SHC2: variants seen among roughly 807,000 people sequenced by gnomAD.
The protein encoded by SHC2 is SHC-transforming protein 2.
Under a neutral mutation model 60.6 loss-of-function variants are expected in SHC2, and 62 were observed. The observed-to-expected ratio is 1.02, with a 90% CI of 0.83 to 1.26. The LOEUF (loss-of-function observed/expected upper bound fraction) is 1.26. SHC2 is among the 50% of genes most tolerant of loss of function. The pLI is 0.00. For missense variants in SHC2, 873 were observed against 822.2 expected (o/e 1.06, Z -0.76); for synonymous variants, 375 against 372.4 (o/e 1.01, Z -0.08).
At chr19:459,018 T>G (rs540323833) in intron 1 of SHC2, among the ~76,000 whole-genome samples, 1 of 152,126 alleles carries the variant, frequency 6.6e-6, no homozygotes. Context: ...AACGGCCCGC[T>G]CCTCTGTGCA....
intron 1 of SHC2, among the ~76,000 whole-genome samples, chr19:450,837 C>A (rs565243201): frequency 3.4e-4 from 51 of 150,858 alleles, no homozygotes; most frequent in Middle Eastern, 3.4e-3. Flanking sequence ...GTGTGGATGG[C>A]CACGCCATGG....
intron 12 of SHC2, among the ~76,000 whole-genome samples, chr19:418,129 G>GC (rs1424519761): frequency 2.0e-5 from 3 of 152,106 alleles, no homozygotes; most frequent in Non-Finnish European, 4.4e-5. Flanking sequence ...GTCCCCCCGG[G>GC]CCCCGCACCA....
Position 441,296 on chromosome 19 carries a change from A to G in SHC2, c.469-364T>C, listed in dbSNP as rs1568291782. ...ATGGTGCGATCCTGAGCACTTCCCT[A>G]TCTCCAGCGCCCAGTTCAGGGTCTG... On this transcript the variant is annotated intron_variant, in intron 1 of 12. Coordinates refer to ENST00000264554, the MANE Select transcript of SHC2 (RefSeq NM_012435.3). The surrounding 1 kb of genome is among the most constrained non-coding windows in gnomAD (Gnocchi z 4.9). The G allele has an allele frequency of 2.8e-6, 1 of 353,510 alleles. No homozygotes were observed. 21.9% of individuals were successfully genotyped at this position (353,510 alleles called of 1,614,324 possible). A position where few individuals can be genotyped will look rare whatever the true frequency, so the allele number is the denominator to read the frequency against.
intron 8 of SHC2, 117 bp from the exon 9 acceptor site, chr19:430,864 A>G (rs1974569763): frequency 1.1e-6 from 1 of 911,434 alleles, no homozygotes; most frequent in Admixed American, 2.2e-5. Context: ...GGTGGGGAGC[A>G]CAGCCCTGGC....
rs372111737 is a variant in SHC2, at chr19:438,597, G to C, written c.720+121C>G. On this transcript the variant is annotated intron_variant, in intron 4 of 12. Transcript: ENST00000264554. The surrounding 1 kb of genome is among the most constrained non-coding windows in gnomAD (Gnocchi z 5.0). The stretch of plus-strand genomic sequence containing the variant: ...CCAGCTCCTGCTCAGCGGGGCCTCG[G>C]CTCGTCTTTCTGGATAAACGCCACC... The C allele has an allele frequency of 7.9e-5, 94 of 1,193,178 alleles. 1 individual carries two copies. The East Asian group carries it at 1.5e-3, about 19-fold the overall frequency. The allele number at this position is 1,193,178 out of a possible 1,614,324, so 73.9% of individuals were successfully genotyped here.
intron 9 of SHC2, among the ~76,000 whole-genome samples, chr19:429,824 A>G (rs572671077): frequency 1.5e-4 from 22 of 149,306 alleles, no homozygotes; most frequent in African/African-American, 5.2e-4. Context: ...CGTGTGGATG[A>G]CACAGTACCT....
At position 453,566 on chromosome 19, in the gene SHC2, C is replaced by T. The variant is rs1022877590; in HGVS notation, c.468+6963G>A. 3.9e-5 allele frequency among the ~76,000 whole-genome samples: 6 copies of T among 152,162 alleles called. No homozygotes were observed. The highest frequency in any genetic ancestry group is 5.9e-5 in the Non-Finnish European group (4 of 68,034). On this transcript the variant is annotated intron_variant, in intron 1 of 12. Coordinates refer to ENST00000264554, the MANE Select transcript of SHC2 (RefSeq NM_012435.3). The surrounding 1 kb of genome is among the most constrained non-coding windows in gnomAD (Gnocchi z 6.3). ...GATTACAGGCGTGAGCCACCACGCC[C>T]GGCCAGAACCCAGATCTTTAGGGAT...
chr19:439,000 CACG>C lies in SHC2; in HGVS notation c.567_569del (p.Val190del). On this transcript the variant is annotated inframe_deletion, in exon 3 of 13. Coordinates refer to ENST00000264554, the MANE Select transcript of SHC2 (RefSeq NM_012435.3). This position sits in a 1 kb window ranked among gnomAD's most constrained non-coding sequence, Gnocchi z 5.0. ...TCTTCCAGGATCCCCGGACGCCAGG[CACG>C]GCCTCATGGAGCCGGTTGATGGCTT... 1 of 1,600,476 alleles carries C rather than the reference CACG, an allele frequency of 6.2e-7. No individual in the cohort carries two copies. The highest frequency in any genetic ancestry group is 8.5e-7 in the Non-Finnish European group (1 of 1,174,262).
chr19:423,894 G>A (rs939495785), intron 10 of SHC2, among the ~76,000 whole-genome samples: 2 of 152,192 alleles, frequency 1.3e-5, no homozygotes, highest in African/African-American at 2.4e-5. Flanking sequence ...TGCCTCAGAG[G>A]GAAGCTCAGA....
At chr19:459,548 C>G (rs1264644406) in intron 1 of SHC2, among the ~76,000 whole-genome samples, 1 of 144,378 alleles carries the variant, frequency 6.9e-6, no homozygotes, top group Non-Finnish European at 1.5e-5. Context: ...GGGAAGGACC[C>G]TACTGAACTC....
At position 430,140 on chromosome 19, in the gene SHC2, C is replaced by T. The variant is rs1377789259; in HGVS notation, c.1174+544G>A. On this transcript the variant is annotated intron_variant, in intron 9 of 12. Transcript: ENST00000264554. ...GGATGACGCAGTACCTATATCCCAA[C>T]ATGCACGGAAACCTGATACCGTGTG... Among the ~76,000 whole-genome samples, 7 of 143,780 alleles carry T rather than the reference C, an allele frequency of 4.9e-5. No individual in the cohort carries two copies. The East Asian group carries it at 1.7e-3, about 35-fold the overall frequency. The allele number at this position is 143,780 out of a possible 152,430, so 94.3% of individuals were successfully genotyped here.
In SHC2 at chr19:431,332, G is replaced by A. The variant is rs865823138; in HGVS notation, c.1111-585C>T. Among the ~76,000 whole-genome samples the A allele has an allele frequency of 1.9e-3, 269 of 138,532 alleles. 1 individual carries two copies. The highest frequency in any genetic ancestry group is 6.2e-3 in the African/African-American group (224 of 36,124). The allele number at this position is 138,532 out of a possible 152,430, so 90.9% of individuals were successfully genotyped here. ...AGAGGAGGCCGGGCAGATAGATGGC[G>A]CTTCATCGTGAGTGAGATCGTGAGT... On this transcript the variant is annotated intron_variant, in intron 8 of 12. Coordinates refer to ENST00000264554, the MANE Select transcript of SHC2 (RefSeq NM_012435.3).
At chr19:418,624 A>G (rs10401214) in intron 12 of SHC2, among the ~76,000 whole-genome samples, 3,291 of 152,326 alleles carry the variant, frequency 0.022, 106 homozygotes, top group African/African-American at 0.075. Flanking sequence ...CACAGCGTGG[A>G]ATCCCATTGC....
At position 440,690 on chromosome 19, in the gene SHC2, T is replaced by TG. The variant is rs1027576531; in HGVS notation, c.539+171dup. Among the ~76,000 whole-genome samples, 1 of 152,088 alleles carries TG rather than the reference T, an allele frequency of 6.6e-6. No individual in the cohort carries two copies. The highest frequency in any genetic ancestry group is 2.4e-5 in the African/African-American group (1 of 41,418). ...AGGGCACGGTGACCGACACCTGGCG[T>TG]GGGGACAGGGCGGAGACGTGGCGTG... On this transcript the variant is annotated intron_variant, in intron 2 of 12. Coordinates refer to ENST00000264554, the MANE Select transcript of SHC2 (RefSeq NM_012435.3). The surrounding 1 kb of genome is among the most constrained non-coding windows in gnomAD (Gnocchi z 7.0).
At chr19:434,571 A>AGTCT in intron 8 of SHC2, 138 bp downstream of exon 8, 61 of 510,722 alleles carry the variant, frequency 1.2e-4, no homozygotes, top group African/African-American at 2.0e-4. Flanking sequence ...ATCATGAGTG[A>AGTCT]GTGAGTGAGT....
chr19:419,381 C>T (rs1443208994), intron 11 of SHC2: 1 of 275,874 alleles, frequency 3.6e-6, no homozygotes, highest in African/African-American at 2.2e-5. Context: ...GGTAGATAAA[C>T]AGGTCAAGGG....
Position 425,015 on chromosome 19 carries a change from G to A in SHC2, c.1309+82C>T. ...CCCCATCAGACCAGGGAATCCCGTA[G>A]GGAGTGGGGGTGGGGTTGTGCCTCC... On this transcript the variant is annotated intron_variant, in intron 10 of 12. Transcript: ENST00000264554. This position sits in a 1 kb window ranked among gnomAD's most constrained non-coding sequence, Gnocchi z 4.1. The A allele has an allele frequency of 7.7e-7, 1 of 1,295,818 alleles. No homozygotes were observed. Among genetic ancestry groups the A allele is most frequent in the South Asian group, 2.7e-5 (1 of 37,428 alleles). 80.3% of individuals were successfully genotyped at this position (1,295,818 alleles called of 1,614,324 possible).
rs774097658 is a variant in SHC2 at position 438,778 on chromosome 19, C to G, written c.660G>C (p.Met220Ile). The G allele has an allele frequency of 1.3e-6, 2 of 1,575,824 alleles. No homozygotes were observed. The highest frequency in any genetic ancestry group is 1.7e-6 in the Non-Finnish European group (2 of 1,162,206). ...LGKSNLRFAG[M>I]SISIHISTDG... ...CAGTGGAGATGTGGATGGAGATGCT[C>G]ATGCCGGCAAAGCGAAGGTTGCTCT... Residue 220 changes from methionine (M) to isoleucine (I), a missense_variant, in exon 4 of 13, where the codon ATG becomes ATC. By Grantham distance (10) the Met-to-Ile change is conservative. Coordinates refer to ENST00000264554, the MANE Select transcript of SHC2 (RefSeq NM_012435.3). The surrounding 1 kb of genome is among the most constrained non-coding windows in gnomAD (Gnocchi z 5.0).
chr19:450,734 C>A (rs1220784152), intron 1 of SHC2, among the ~76,000 whole-genome samples: 1 of 152,098 alleles, frequency 6.6e-6, no homozygotes, highest in East Asian at 1.9e-4. Context: ...TCCACTCATG[C>A]CTGGGTCACA....
Sources: allele counts gnomAD v4.1 joint callset (sites outside exome capture counted in the v4.1 genomes callset), GRCh38; gene constraint gnomAD v4.1.1; non-coding constraint Gnocchi (gnomAD v3.1); transcripts MANE v1.5; gene names NCBI Gene and HGNC (gene_info 2026-07-23, HGNC 2026-07-21).